The following SYNE1 variants were observed in gnomAD, a reference collection of about 807,000 sequenced individuals.
SYNE1 encodes nesprin-1.
In SYNE1, 616 loss-of-function variants were observed where a neutral mutation model predicts 1,111.0. The ratio of observed to expected loss-of-function variants is 0.55; its 90% CI spans 0.52 to 0.59. The LOEUF is 0.59. Ranked by LOEUF, SYNE1 falls within the 20% of genes least tolerant of loss-of-function variation. The pLI is 0.00. For missense variants in SYNE1, 10,006 were observed against 10,417.0 expected, an observed-to-expected ratio of 0.96 and a Z score of 1.72; for synonymous variants, 3,855 against 3,825.8, an observed-to-expected ratio of 1.01 and a Z score of -0.28.
At chr6:152,544,530 C>T (rs11966511) in intron 3 of SYNE1, among the ~76,000 whole-genome samples, 12,003 of 149,488 alleles carry the variant, frequency 0.08, 1,636 homozygotes, top group African/African-American at 0.28. Flanking sequence ...AGTATCCCTC[C>T]GTAGAAATGA....
Position 152,465,200 on chromosome 6 carries a change from A to G in SYNE1, c.1932+58T>C, listed in dbSNP as rs2098757318. The G allele has an allele frequency of 2.6e-5, 41 of 1,575,072 alleles. 1 individual carries two copies. The highest frequency in any genetic ancestry group is 1.8e-4 in the South Asian group (16 of 90,224). ...GACCCCCTAGTGAGCTACGCTGTAA[A>G]AGTCTCTCATTTTTACATACATCAA... On this transcript the variant is annotated intron_variant, in intron 18 of 145. Transcript: ENST00000367255.
In SYNE1 at chr6:152,552,711, A is replaced by G. The variant is rs1167699210; in HGVS notation, c.68-12690T>C. Among the ~76,000 whole-genome samples the G allele has an allele frequency of 7.9e-5, 12 of 152,214 alleles. No individual in the cohort carries two copies. In the East Asian group the frequency reaches 2.3e-3, roughly 29 times the overall value. The stretch of plus-strand genomic sequence containing the variant: ...GTTAGAAATTGCAATCTCAAATTCA[A>G]CCCCCACCATGTAATTCAATTAGCC... On this transcript the variant is annotated intron_variant, in intron 3 of 145. Transcript: ENST00000367255.
intron 4 of SYNE1, among the ~76,000 whole-genome samples, chr6:152,530,487 T>TTC (rs969308554): frequency 1.4e-5 from 2 of 145,106 alleles, no homozygotes; most frequent in African/African-American, 4.9e-5. Flanking sequence ...TTTTTTTTTT[T>TTC]ACTAAAACAG....
chr6:152,236,819 G>C lies in SYNE1; in HGVS notation c.20197C>G (p.Gln6733Glu). 6.2e-7 allele frequency: 1 copy of C among 1,614,110 alleles called. No individual in the cohort carries two copies. The highest frequency in any genetic ancestry group is 8.5e-7 in the Non-Finnish European group (1 of 1,180,010). The change falls in exon 109 of 146, where the codon CAG becomes GAG. Residue 6733 changes from glutamine to glutamate, a missense_variant and splice_region_variant. By Grantham distance (29) the Gln-to-Glu change is conservative. This residue lies in a region of SYNE1 where 2,182 missense variants were observed against 2,287.8 expected (regional missense o/e 0.95). Coordinates refer to ENST00000367255, the MANE Select transcript of SYNE1 (RefSeq NM_182961.4). ...DRLIDRITLYQHLKSSLNEYQ... is the reference protein window; with the variant it reads ...DRLIDRITLYEHLKSSLNEYQ... ...ATGTGGCGGCTTGTAACACCAACCT[G>C]GTAGAGTGTTATGCGGTCAATAAGC...
chr6:152,519,154 A>AAAAT lies in SYNE1; in HGVS notation c.309+1301_309+1304dup, dbSNP rs1459232380. ...AAGTATAATAATAATTTAAAAAAAG[A>AAAAT]AAATAAATAAATAAACATATACATT... is the stretch of plus-strand genomic sequence containing the variant. On this transcript the variant is annotated intron_variant, in intron 6 of 145. Coordinates refer to ENST00000367255, the MANE Select transcript of SYNE1 (RefSeq NM_182961.4). 8.5e-5 allele frequency among the ~76,000 whole-genome samples: 13 copies of AAAAT among 152,290 alleles called. No individual in the cohort carries two copies. The East Asian group carries it at 2.5e-3, about 29-fold the overall frequency.
chr6:152,364,822 A>G, intron 63 of SYNE1, 25 bp downstream of exon 63: 1 of 1,614,122 alleles, frequency 6.2e-7, no homozygotes, highest in Non-Finnish European at 8.5e-7. Flanking sequence ...TAGCTTCCCC[A>G]GTGCTTGGCT....
chr6:152,126,993 C>T (rs184132074), intron 145 of SYNE1: 4 of 152,264 alleles, frequency 2.6e-5, no homozygotes, highest in Admixed American at 1.3e-4. Context: ...CTAGATTGTC[C>T]GTGATCTTGA....
chr6:152,624,189 A>T (rs2099681509), intron 3 of SYNE1, among the ~76,000 whole-genome samples: 1 of 151,990 alleles, frequency 6.6e-6, no homozygotes, highest in Non-Finnish European at 1.5e-5. Context: ...TCTCCTATTA[A>T]TTTTTTTGTA....
chr6:152,325,087 G>C lies in SYNE1; in HGVS notation c.15654C>G (p.Asn5218Lys), dbSNP rs1248853051. 1 of 1,613,898 alleles carries C rather than the reference G, an allele frequency of 6.2e-7. No homozygotes were observed. Among genetic ancestry groups the C allele is most frequent in the South Asian group, 1.1e-5 (1 of 91,064 alleles). ...GCCCATGGACAGTGGAAACTACCTTGTTGTTAAAGCCCGTCCACTCATCCA... is the reference window on the plus strand; with the variant it reads ...GCCCATGGACAGTGGAAACTACCTTCTTGTTAAAGCCCGTCCACTCATCCA... Reference protein sequence around the residue: ...DAVDEWTGFNNKVKKATEMID... With the variant: ...DAVDEWTGFNKKVKKATEMID... The change falls in exon 81 of 146, where the codon AAC becomes AAG. Residue 5218 changes from asparagine to lysine, a missense_variant. By Grantham distance (94) the Asn-to-Lys change is moderately conservative. Coordinates refer to ENST00000367255, the MANE Select transcript of SYNE1 (RefSeq NM_182961.4).
At chr6:152,220,328 G>A (rs554481307) in intron 119 of SYNE1, among the ~76,000 whole-genome samples, 3 of 152,256 alleles carry the variant, frequency 2.0e-5, no homozygotes, top group Non-Finnish European at 2.9e-5. Context: ...AAACCCTTAA[G>A]TAGGTTATTG....
chr6:152,607,933 A>G (rs2099620547), intron 3 of SYNE1, among the ~76,000 whole-genome samples: 1 of 152,188 alleles, frequency 6.6e-6, no homozygotes, highest in Non-Finnish European at 1.5e-5. Context: ...TAACACAGGA[A>G]CAGAAAACCA....
Position 152,418,942 on chromosome 6 carries a change from C to T in SYNE1, c.5421+627G>A, listed in dbSNP as rs541559500. Among the ~76,000 whole-genome samples the T allele has an allele frequency of 7.2e-5, 11 of 152,264 alleles. 2 individuals are homozygous for T. Among genetic ancestry groups the T allele is most frequent in the African/African-American group, 2.6e-4 (11 of 41,540 alleles). ...CCTACTACCCTCCTGAAGCCCCAGC[C>T]CCTATTTCTTTCTGTATAACATAAA... On this transcript the variant is annotated intron_variant, in intron 40 of 145. Transcript: ENST00000367255.
At chr6:152,466,465 C>A (rs1475489053) in intron 16 of SYNE1, among the ~76,000 whole-genome samples, 1 of 152,124 alleles carries the variant, frequency 6.6e-6, no homozygotes, top group Non-Finnish European at 1.5e-5. Flanking sequence ...GAACATTAAT[C>A]CTGGTGAATG....
Position 152,399,722 on chromosome 6 carries a change from G to C in SYNE1, c.7131C>G (p.Ser2377Arg), listed in dbSNP as rs1204087685. ...CRKYHSAELE[S>R]LGRAMTGLIK... ...TCAGACCAGTCATTGCACGGCCCAG[G>C]CTCTCCAACTCAGCTGAGTGGTACT... Residue 2377 changes from serine (S) to arginine (R), a missense_variant, in exon 48 of 146, where the codon AGC becomes AGG. By Grantham distance (110) the Ser-to-Arg change is moderately radical. This residue lies in a region of SYNE1 where 4,955 missense variants were observed against 5,017.2 expected (regional missense o/e 0.99). Coordinates refer to ENST00000367255, the MANE Select transcript of SYNE1 (RefSeq NM_182961.4). 3 of 1,614,142 alleles carry C rather than the reference G, an allele frequency of 1.9e-6. No homozygotes were observed. The highest frequency in any genetic ancestry group is 2.5e-6 in the Non-Finnish European group (3 of 1,180,014).
At chr6:152,539,068 G>C (rs1276802211) in intron 4 of SYNE1, among the ~76,000 whole-genome samples, 1 of 152,148 alleles carries the variant, frequency 6.6e-6, no homozygotes, top group Non-Finnish European at 1.5e-5. Context: ...ATCAAAACCT[G>C]CTTGTAGGGT....
chr6:152,176,483 G>A lies in SYNE1; in HGVS notation c.23538C>T (p.Ala7846=). 6.2e-7 allele frequency: 1 copy of A among 1,614,108 alleles called. No individual in the cohort carries two copies. Among genetic ancestry groups the A allele is most frequent in the Non-Finnish European group, 8.5e-7 (1 of 1,180,006 alleles). ...LQQMGERLAK[A]SHESKASEIE... ...TCTCAGATGCTTTGCTTTCATGGCT[G>A]GCTTTAGCAAGTCGTTCTCCCATTT... The change falls in exon 130 of 146, where the codon GCC becomes GCT. Residue 7846 remains alanine (A), a synonymous_variant. Coordinates refer to ENST00000367255, the MANE Select transcript of SYNE1 (RefSeq NM_182961.4).
At chr6:152,360,509 C>G (rs1392489546) in intron 64 of SYNE1, among the ~76,000 whole-genome samples, 1 of 152,152 alleles carries the variant, frequency 6.6e-6, no homozygotes. Context: ...GCTGTATGAG[C>G]CTTTTCAAAA....
rs1251014058 is a variant in SYNE1 at position 152,310,680 on chromosome 6, T to C, written c.16896+8A>G. The C allele has an allele frequency of 2.5e-6, 4 of 1,612,794 alleles. No individual in the cohort carries two copies. The highest frequency in any genetic ancestry group is 3.3e-5 in the Admixed American group (2 of 59,782). ...TTTTTTCTGTTTCTTTTTTTTTTCT[T>C]TTTTTACCTTAGCTGCATCTTGGAG... On this transcript the variant is annotated splice_region_variant and intron_variant, in intron 88 of 145. Coordinates refer to ENST00000367255, the MANE Select transcript of SYNE1 (RefSeq NM_182961.4).
intron 20 of SYNE1, chr6:152,462,431 T>C (rs935312676): frequency 6.3e-6 from 3 of 476,422 alleles, no homozygotes; most frequent in African/African-American, 6.0e-5. Context: ...TCCTTTATTA[T>C]TGAAAGTATT....
Sources: allele counts gnomAD v4.1 joint callset (sites outside exome capture counted in the v4.1 genomes callset), GRCh38; gene constraint gnomAD v4.1.1; regional missense constraint gnomAD v4.1.1; transcripts MANE v1.5; gene names NCBI Gene and HGNC (gene_info 2026-07-23, HGNC 2026-07-21).